The following IL1RAPL1 variants were observed in gnomAD, a reference collection of about 807,000 sequenced individuals.
The protein encoded by IL1RAPL1 is interleukin-1 receptor accessory protein-like 1.
A neutral mutation model predicts 48.4 loss-of-function variants in IL1RAPL1; 3 were observed. The observed-to-expected ratio is 0.06, with a 90% confidence interval of 0.03 to 0.16. The LOEUF is 0.16. Ranked by LOEUF, IL1RAPL1 falls within the 10% of genes least tolerant of loss-of-function variation. IL1RAPL1 has a pLI of 1.00. For synonymous variants in IL1RAPL1, 185 were observed against 187.7 expected (o/e 0.99, Z 0.12); for missense variants, 349 against 530.6 (o/e 0.66, Z 3.36).
chrX:29,070,773 G>T (rs141795908), intron 2 of IL1RAPL1, among the ~76,000 whole-genome samples: 1 of 111,548 alleles, frequency 9.0e-6, no homozygotes, highest in Non-Finnish European at 1.9e-5. Context: ...AAAAGGTTTG[G>T]AAATTTCTAA....
At chrX:28,662,049 C>T (rs1318692335) in intron 1 of IL1RAPL1, among the ~76,000 whole-genome samples, 9 of 111,187 alleles carry the variant, frequency 8.1e-5, no homozygotes, top group Non-Finnish European at 1.7e-4. Context: ...GGGAGGCGCC[C>T]TCTTCTTTGC....
intron 3 of IL1RAPL1, among the ~76,000 whole-genome samples, chrX:29,300,301 C>T (rs1932512842): frequency 1.8e-5 from 2 of 110,601 alleles, no homozygotes; most frequent in African/African-American, 3.3e-5. Context: ...ACATCCGGCA[C>T]CTAACACAGT....
intron 2 of IL1RAPL1, among the ~76,000 whole-genome samples, chrX:29,080,656 CAA>C (rs1314576556): frequency 3.6e-5 from 4 of 110,498 alleles, no homozygotes; most frequent in Non-Finnish European, 5.7e-5. Flanking sequence ...ACATATAAAA[CAA>C]AGTCACTAAA....
At chrX:29,799,972 A>C (rs112928331) in intron 6 of IL1RAPL1, among the ~76,000 whole-genome samples, 129 of 111,899 alleles carry the variant, frequency 1.2e-3, no homozygotes, top group African/African-American at 4.0e-3. Flanking sequence ...TGTACATCTC[A>C]GTTTCATAGC....
At chrX:29,510,773 C>T (rs912950202) in intron 5 of IL1RAPL1, among the ~76,000 whole-genome samples, 9 of 111,816 alleles carry the variant, frequency 8.0e-5, no homozygotes, top group African/African-American at 2.9e-4. Context: ...GCCTTTCATT[C>T]CCACCATACT....
chrX:28,855,447 A>G (rs765543427), intron 2 of IL1RAPL1, among the ~76,000 whole-genome samples: 23 of 112,143 alleles, frequency 2.1e-4, no homozygotes, highest in Non-Finnish European at 4.3e-4. Context: ...TGAATAAATT[A>G]AATATTACAG....
intron 2 of IL1RAPL1, among the ~76,000 whole-genome samples, chrX:28,996,731 A>G (rs1356781842): frequency 1.8e-5 from 2 of 110,732 alleles, no homozygotes; most frequent in Non-Finnish European, 3.8e-5. Flanking sequence ...CATCACCATT[A>G]TCTAGTTCCA....
Position 29,913,441 on chromosome X carries a change from C to T in IL1RAPL1, c.779-4023C>T, listed in dbSNP as rs865828609. On this transcript the variant is annotated intron_variant, in intron 6 of 10. Coordinates refer to ENST00000378993, the MANE Select transcript of IL1RAPL1 (RefSeq NM_014271.4). ...ATATATGTATACATATATAAACACA[C>T]ATATATATACATATATATAGAGAGA... 5.5e-5 allele frequency among the ~76,000 whole-genome samples: 5 copies of T among 91,704 alleles called. No homozygotes were observed. The Admixed American group carries it at 5.7e-4, about 10-fold the overall frequency. The allele number at this position is 91,704 out of a possible 115,157, so 79.6% of individuals were successfully genotyped here. A position where few individuals can be genotyped will look rare whatever the true frequency, so the allele number is the denominator to read the frequency against.
At chrX:29,090,519 AC>A (rs1164151842) in intron 2 of IL1RAPL1, among the ~76,000 whole-genome samples, 1 of 112,195 alleles carries the variant, frequency 8.9e-6, no homozygotes, top group Admixed American at 9.5e-5. Flanking sequence ...AGGAAAAAAG[AC>A]ATTTTGGTTT....
At chrX:29,101,889 A>C (rs1928347287) in intron 2 of IL1RAPL1, among the ~76,000 whole-genome samples, 1 of 111,534 alleles carries the variant, frequency 9.0e-6, no homozygotes, top group Non-Finnish European at 1.9e-5. Flanking sequence ...GTGAGCTGAG[A>C]TCGTGCCATT....
chrX:29,099,204 G>T (rs1477151252), intron 2 of IL1RAPL1, among the ~76,000 whole-genome samples: 10 of 111,730 alleles, frequency 9.0e-5, no homozygotes, highest in African/African-American at 3.3e-4. Context: ...GGTATTAGCT[G>T]TCATTTAAAG....
At chrX:29,863,844 T>C (rs1488237529) in intron 6 of IL1RAPL1, among the ~76,000 whole-genome samples, 2 of 110,903 alleles carry the variant, frequency 1.8e-5, no homozygotes, top group African/African-American at 6.6e-5. Context: ...TAGAGTGCAG[T>C]GGCACAATCT....
At chrX:28,669,696 T>C (rs1345742966) in intron 1 of IL1RAPL1, among the ~76,000 whole-genome samples, 3 of 104,476 alleles carry the variant, frequency 2.9e-5, no homozygotes, top group African/African-American at 1.0e-4. Flanking sequence ...TAATTTTATA[T>C]ATAAATTATA....
At chrX:29,618,001 A>G (rs903665414) in intron 5 of IL1RAPL1, among the ~76,000 whole-genome samples, 12 of 111,949 alleles carry the variant, frequency 1.1e-4, no homozygotes, top group African/African-American at 3.6e-4. Context: ...GAGCCTAGGA[A>G]GAGGCCTTCT....
At chrX:29,947,751 TG>T (rs1185120966) in intron 9 of IL1RAPL1, among the ~76,000 whole-genome samples, 14 of 102,116 alleles carry the variant, frequency 1.4e-4, no homozygotes, top group Admixed American at 1.4e-3. Context: ...TTTTTTTTGG[TG>T]TTTTTTTTTT....
intron 6 of IL1RAPL1, among the ~76,000 whole-genome samples, chrX:29,906,499 ATATATATATATATATATATAT>A (rs1932631767): frequency 2.3e-5 from 1 of 43,260 alleles, no homozygotes; most frequent in Non-Finnish European, 4.1e-5. Context: ...ATATATATAT[ATATATATATATATATATATAT>A]ATTTCTGTAG....
Position 29,471,104 on chromosome X carries a change from C to T in IL1RAPL1, c.703+71796C>T, listed in dbSNP as rs148297781. Among the ~76,000 whole-genome samples the T allele has an allele frequency of 1.6e-3, 178 of 110,622 alleles. 2 individuals carry two copies. Among genetic ancestry groups the T allele is most frequent in the African/African-American group, 5.2e-3 (158 of 30,406 alleles). On this transcript the variant is annotated intron_variant, in intron 5 of 10. Coordinates refer to ENST00000378993, the MANE Select transcript of IL1RAPL1 (RefSeq NM_014271.4). ...CAATAGAAGTTTATTTACCCAAAGT[C>T]GAGAAAGTACCTTGGAAAATATACA...
intron 6 of IL1RAPL1, among the ~76,000 whole-genome samples, chrX:29,910,284 C>CTT (rs1010923310): frequency 1.8e-5 from 2 of 110,422 alleles, no homozygotes; most frequent in Non-Finnish European, 3.8e-5. Flanking sequence ...AGATACCATG[C>CTT]TTATAACCTG....
chrX:29,928,679 A>T (rs1209488868), intron 8 of IL1RAPL1, among the ~76,000 whole-genome samples: 1 of 112,079 alleles, frequency 8.9e-6, no homozygotes, highest in Non-Finnish European at 1.9e-5. Flanking sequence ...TGGAGCATTA[A>T]AACAGCATTT....
Sources: gnomAD v4.1 joint callset for allele counts (sites outside exome capture counted in the v4.1 genomes callset) on GRCh38, gnomAD v4.1.1 for gene constraint, MANE v1.5 for transcripts, NCBI Gene and HGNC (gene_info 2026-07-23, HGNC 2026-07-21) for gene names.